The following COL5A1 variants were observed in gnomAD, a reference collection of about 807,000 sequenced individuals.
The protein encoded by COL5A1 is collagen type V alpha 1 chain, also known as collagen alpha-1(V) chain.
Under a neutral mutation model 263.7 loss-of-function variants are expected in COL5A1, and 16 were observed. The observed-to-expected ratio is 0.06, with a 90% CI of 0.04 to 0.09. The LOEUF is 0.09. Among genes scored for constraint, COL5A1 ranks in the 10% least tolerant of loss-of-function variants. The probability of loss-of-function intolerance (pLI) is 1.00; values close to 1 mark genes in which losing one functional copy is unlikely to be tolerated. For missense variants in COL5A1, 2,036 were observed against 2,540.5 expected, an observed-to-expected ratio of 0.80 and a Z score of 4.27; for synonymous variants, 1,012 against 1,004.5, an observed-to-expected ratio of 1.01 and a Z score of -0.14.
At chr9:134,668,575 CATCT>C (rs138089212) in intron 1 of COL5A1, among the ~76,000 whole-genome samples, 32,792 of 151,720 alleles carry the variant, frequency 0.22, 4,223 homozygotes, top group African/African-American at 0.36. Flanking sequence ...TCCATCCATC[CATCT>C]ATCTACTTGT....
chr9:134,761,873 G>T (rs1274178904), intron 18 of COL5A1, 52 bp from the exon 19 acceptor site: 4 of 1,569,922 alleles, frequency 2.5e-6, no homozygotes, highest in Admixed American at 1.7e-5. Context: ...CCTTGGACAA[G>T]CCCTGCATGA....
At position 134,789,185 on chromosome 9, in the gene COL5A1, G is replaced by A. The variant is rs146195310; in HGVS notation, c.2677G>A (p.Ala893Thr). 4.3e-5 allele frequency: 70 copies of A among 1,613,068 alleles called. No homozygotes were observed. The highest frequency in any genetic ancestry group is 2.7e-4 in the African/African-American group (20 of 75,018). ...GSIGFPGFPG[A>T]NGEKGGRGTP... Reference sequence around the variant, plus strand: ...TATTGGATTCCCTGGATTTCCTGGCGCCAATGGAGAGAAGGGCGGCAGGGT... The same window carrying A: ...TATTGGATTCCCTGGATTTCCTGGCACCAATGGAGAGAAGGGCGGCAGGGT... The change falls in exon 32 of 66, where the codon GCC (alanine) becomes ACC (threonine). Residue 893 changes from alanine (A) to threonine (T), a missense_variant. This residue lies in a region of COL5A1 where 1,078 missense variants were observed against 1,521.4 expected (regional missense o/e 0.71). Coordinates refer to ENST00000371817, the MANE Select transcript of COL5A1 (RefSeq NM_000093.5). The surrounding 1 kb of genome is among the most constrained non-coding windows in gnomAD (Gnocchi z 4.8).
chr9:134,730,881 C>T (rs930238744), intron 7 of COL5A1, among the ~76,000 whole-genome samples: 2 of 152,142 alleles, frequency 1.3e-5, no homozygotes, highest in African/African-American at 4.8e-5. Context: ...CAGACAAATA[C>T]AGCGAAGCAG....
At chr9:134,643,281 G>A (rs1831364905) in intron 1 of COL5A1, among the ~76,000 whole-genome samples, 1 of 151,990 alleles carries the variant, frequency 6.6e-6, no homozygotes, top group Non-Finnish European at 1.5e-5. Flanking sequence ...AAGGTCCCCC[G>A]AATCCTTATT....
chr9:134,764,639 C>G (rs997039288), intron 20 of COL5A1, among the ~76,000 whole-genome samples: 3 of 152,134 alleles, frequency 2.0e-5, no homozygotes, highest in Non-Finnish European at 2.9e-5. Context: ...GTAGCCAAGT[C>G]AGCCCGGCTG....
chr9:134,766,431 TTTC>T lies in COL5A1; in HGVS notation c.2089-17_2089-15del. Reference sequence around the variant, plus strand: ...GTTCTTTCGCATTCAGTTACATGTTTTTCTTCTTAAAATCGTACACAGGGTGTC... The same window carrying T: ...GTTCTTTCGCATTCAGTTACATGTTTTTCTTAAAATCGTACACAGGGTGTC... On this transcript the variant is annotated intron_variant, in intron 21 of 65. Coordinates refer to ENST00000371817, the MANE Select transcript of COL5A1 (RefSeq NM_000093.5). 4 of 1,613,726 alleles carry T rather than the reference TTTC, an allele frequency of 2.5e-6. No individual in the cohort carries two copies. The highest frequency in any genetic ancestry group is 3.4e-6 in the Non-Finnish European group (4 of 1,179,696).
intron 52 of COL5A1, 131 bp downstream of exon 52, chr9:134,816,119 C>T: frequency 1.2e-6 from 1 of 841,454 alleles, no homozygotes. Context: ...ATATCGATTC[C>T]CTTATGATAT....
At chr9:134,656,128 C>G (rs1034210517) in intron 1 of COL5A1, among the ~76,000 whole-genome samples, 3 of 152,112 alleles carry the variant, frequency 2.0e-5, no homozygotes, top group Non-Finnish European at 4.4e-5. Flanking sequence ...GTGCAGGAGC[C>G]CCGGGGCCCC....
intron 65 of COL5A1, among the ~76,000 whole-genome samples, chr9:134,835,935 G>C (rs1016270527): frequency 1.2e-4 from 19 of 152,324 alleles, no homozygotes; most frequent in African/African-American, 4.6e-4. Context: ...TGTGCCCCAA[G>C]AGCCCAGGCC....
In COL5A1 at chr9:134,700,149, C is replaced by T; in HGVS notation, c.491+27C>T. On this transcript the variant is annotated intron_variant, in intron 3 of 65. Transcript: ENST00000371817. This position sits in a 1 kb window ranked among gnomAD's most constrained non-coding sequence, Gnocchi z 4.0. The stretch of plus-strand genomic sequence containing the variant: ...TAAGTGGGCACTTCTGGGCAACTGT[C>T]CCCCTGCTGGAGGGGGGATCAGGCC... 2 of 1,592,900 alleles carry T rather than the reference C, an allele frequency of 1.3e-6. No homozygotes were observed. Among genetic ancestry groups the T allele is most frequent in the Non-Finnish European group, 1.7e-6 (2 of 1,175,122 alleles).
chr9:134,723,931 G>A (rs1388945342), intron 4 of COL5A1, among the ~76,000 whole-genome samples: 1 of 152,132 alleles, frequency 6.6e-6, no homozygotes, highest in Non-Finnish European at 1.5e-5. Flanking sequence ...ACACAAGTTG[G>A]GGTCACCCAC....
In COL5A1 at chr9:134,758,809, G is replaced by GT. The variant is rs555656272; in HGVS notation, c.1935+514dup. On this transcript the variant is annotated intron_variant, in intron 18 of 65. Coordinates refer to ENST00000371817, the MANE Select transcript of COL5A1 (RefSeq NM_000093.5). The surrounding 1 kb of genome is among the most constrained non-coding windows in gnomAD (Gnocchi z 4.1). The stretch of plus-strand genomic sequence containing the variant: ...GTGGATGAATTTGAAAGTGTGTCCC[G>GT]TGAGTCCCGAGCTAGTGCGGTGACC... Among the ~76,000 whole-genome samples the GT allele has an allele frequency of 3.3e-5, 5 of 152,160 alleles. No individual in the cohort carries two copies. Among genetic ancestry groups the GT allele is most frequent in the Non-Finnish European group, 7.4e-5 (5 of 68,020 alleles).
chr9:134,818,596 G>T lies in COL5A1; in HGVS notation c.4231-60G>T. 1 of 1,310,158 alleles carries T rather than the reference G, an allele frequency of 7.6e-7. No homozygotes were observed. The highest frequency in any genetic ancestry group is 1.2e-5 in the South Asian group (1 of 80,328). 81.2% of individuals were successfully genotyped at this position (1,310,158 alleles called of 1,614,324 possible). A position where few individuals can be genotyped will look rare whatever the true frequency, so the allele number is the denominator to read the frequency against. ...CCCAGGGTTTCCGAGCAGTGGTCCT[G>T]GGCCAGGGTGCCTGGAGCCTAGAGC... On this transcript the variant is annotated intron_variant, in intron 54 of 65. Coordinates refer to ENST00000371817, the MANE Select transcript of COL5A1 (RefSeq NM_000093.5). The surrounding 1 kb of genome is among the most constrained non-coding windows in gnomAD (Gnocchi z 6.0).
Position 134,652,836 on chromosome 9 carries a change from G to T in COL5A1, c.109+10540G>T. On this transcript the variant is annotated intron_variant, in intron 1 of 65. Transcript: ENST00000371817. This position sits in a 1 kb window ranked among gnomAD's most constrained non-coding sequence, Gnocchi z 4.4. The stretch of plus-strand genomic sequence containing the variant: ...TACCAGGCCCCAGAATCCCCCCGAG[G>T]CCTCTCTTAAGGCACAGATTGTTTC... 1 of 432,918 alleles carries T rather than the reference G, an allele frequency of 2.3e-6. No homozygotes were observed. Among genetic ancestry groups the T allele is most frequent in the South Asian group, 1.7e-5 (1 of 59,954 alleles). The allele number at this position is 432,918 out of a possible 1,614,324, so 26.8% of individuals were successfully genotyped here.
chr9:134,683,480 G>A (rs1832920758), intron 1 of COL5A1, among the ~76,000 whole-genome samples: 1 of 152,218 alleles, frequency 6.6e-6, no homozygotes, highest in Non-Finnish European at 1.5e-5. Flanking sequence ...CTTGGCGTTA[G>A]CATAAAGGTG....
chr9:134,796,734 G>A (rs980650949), intron 35 of COL5A1, 114 bp from the exon 36 acceptor site: 2 of 1,000,836 alleles, frequency 2.0e-6, no homozygotes, highest in Non-Finnish European at 3.2e-6. Context: ...AAAGGCCATG[G>A]GGGTGGGAAG....
chr9:134,752,014 G>T (rs1387428719), intron 13 of COL5A1, among the ~76,000 whole-genome samples: 1 of 152,234 alleles, frequency 6.6e-6, no homozygotes, highest in Non-Finnish European at 1.5e-5. Context: ...GCATCTGCCA[G>T]GGAAACAGAG....
intron 3 of COL5A1, 23 bp from the exon 4 acceptor site, chr9:134,701,148 C>A (rs769596714): frequency 1.2e-6 from 2 of 1,613,408 alleles, no homozygotes; most frequent in Admixed American, 3.3e-5. Context: ...CAAGCCCTGT[C>A]TTCACCATCT....
intron 1 of COL5A1, among the ~76,000 whole-genome samples, chr9:134,665,228 A>T (rs538891102): frequency 6.6e-6 from 1 of 152,272 alleles, no homozygotes; most frequent in South Asian, 2.1e-4. Context: ...ACAAAAACAC[A>T]CATACTCTTT....
Sources: gnomAD v4.1 joint callset for allele counts (sites outside exome capture counted in the v4.1 genomes callset) on GRCh38, gnomAD v4.1.1 for gene constraint, gnomAD v4.1.1 regional missense constraint, Gnocchi (gnomAD v3.1) non-coding constraint, MANE v1.5 for transcripts, NCBI Gene and HGNC (gene_info 2026-07-23, HGNC 2026-07-21) for gene names.